The following FHL1 variants were observed in gnomAD, a reference collection of about 807,000 sequenced individuals.
FHL1 encodes four and a half LIM domains 1, also known as four and a half LIM domains protein 1.
In FHL1, 1 loss-of-function variant was observed where a neutral mutation model predicts 20.3. That is an observed-to-expected ratio of 0.05 (90% CI 0.02 to 0.23). The LOEUF is 0.23. Ranked by LOEUF, FHL1 falls within the 10% of genes least tolerant of loss-of-function variation. The pLI is 1.00. For synonymous variants in FHL1, 82 were observed against 88.9 expected (o/e 0.92, Z 0.44); for missense variants, 177 against 234.0 (o/e 0.76, Z 1.59).
chrX:136,202,668 A>C (rs192710739), intron 1 of FHL1, among the ~76,000 whole-genome samples: 1,260 of 111,271 alleles, frequency 0.011, 14 homozygotes, highest in Non-Finnish European at 0.017. Context: ...AGGCAGGAGA[A>C]TCACTTGAAC....
At chrX:136,176,957 T>G (rs2076117357) in intron 2 of FHL1, among the ~76,000 whole-genome samples, 1 of 106,236 alleles carries the variant, frequency 9.4e-6, no homozygotes, top group South Asian at 4.3e-4. Context: ...TCTTACACAG[T>G]CTTCAACCAG....
Position 136,210,526 on chromosome X carries a change from T to C in FHL1, c.*501T>C, listed in dbSNP as rs763551373. 1 of 391,042 alleles carries C rather than the reference T, an allele frequency of 2.6e-6. No individual in the cohort carries two copies. The highest frequency in any genetic ancestry group is 2.6e-5 in the South Asian group (1 of 39,009). 32.2% of individuals were successfully genotyped at this position (391,042 alleles called of 1,213,427 possible). A position where few individuals can be genotyped will look rare whatever the true frequency, so the allele number is the denominator to read the frequency against. Reference sequence around the variant, plus strand: ...TGGTTTAACTTCCTCATCAGAACTCTGCCCTTCCTTCTGTTCTTTTGTGCT... The same window carrying C: ...TGGTTTAACTTCCTCATCAGAACTCCGCCCTTCCTTCTGTTCTTTTGTGCT... On this transcript the variant is annotated 3_prime_UTR_variant, in exon 6 of 6. Transcript: ENST00000370683.
chrX:136,189,961 G>A (rs1159945044), intron 2 of FHL1, among the ~76,000 whole-genome samples: 1 of 112,060 alleles, frequency 8.9e-6, no homozygotes, highest in African/African-American at 3.2e-5. Context: ...TTCAAAAATA[G>A]TTATGGTCCA....
chrX:136,183,612 G>A (rs1014777107), intron 2 of FHL1, among the ~76,000 whole-genome samples: 3 of 111,879 alleles, frequency 2.7e-5, no homozygotes, highest in Admixed American at 1.9e-4. Flanking sequence ...AAAAGTTTTC[G>A]TGTATGAATA....
chrX:136,211,245 C>G lies in FHL1; in HGVS notation c.*1220C>G, dbSNP rs2074006604. Reference sequence around the variant, plus strand: ...TGTAATGACAATACATACTAACATTCTTGTAGGAGTGGTTAGAGAAGCTGA... The same window carrying G: ...TGTAATGACAATACATACTAACATTGTTGTAGGAGTGGTTAGAGAAGCTGA... On this transcript the variant is annotated 3_prime_UTR_variant, in exon 6 of 6. Coordinates refer to ENST00000370683, the MANE Select transcript of FHL1 (RefSeq NM_001159699.2). The G allele has an allele frequency of 2.9e-6, 1 of 346,037 alleles. No individual in the cohort carries two copies. Among genetic ancestry groups the G allele is most frequent in the East Asian group, 6.5e-5 (1 of 15,487 alleles). The allele number at this position is 346,037 out of a possible 1,213,427, so 28.5% of individuals were successfully genotyped here.
chrX:136,184,528 G>C (rs2073240148), intron 2 of FHL1, among the ~76,000 whole-genome samples: 1 of 111,836 alleles, frequency 8.9e-6, no homozygotes, highest in South Asian at 3.7e-4. Flanking sequence ...GGATTAAATA[G>C]CTAGACTTTA....
chrX:136,209,866 C>T lies in FHL1; in HGVS notation c.737-5C>T. The T allele has an allele frequency of 8.3e-7, 1 of 1,208,426 alleles. No individual in the cohort carries two copies. The highest frequency in any genetic ancestry group is 1.1e-6 in the Non-Finnish European group (1 of 894,275). ...TTCTTTTCTTTTCTTTTTTTTTCCC[C>T]CCAGGGTTTGGTAAAGGCTCCAGTG... On this transcript the variant is annotated splice_polypyrimidine_tract_variant and splice_region_variant and intron_variant, in intron 5 of 5. Coordinates refer to ENST00000370683, the MANE Select transcript of FHL1 (RefSeq NM_001159699.2).
At chrX:136,206,966 C>T (rs916274928) in intron 2 of FHL1, 50 bp from the exon 3 acceptor site, 7 of 1,188,808 alleles carry the variant, frequency 5.9e-6, no homozygotes, top group Non-Finnish European at 8.0e-6. Context: ...GCTCCTGCCA[C>T]CACCCCCAGC....
chrX:136,200,272 T>A (rs1261294089), intron 1 of FHL1, among the ~76,000 whole-genome samples: 1 of 112,558 alleles, frequency 8.9e-6, no homozygotes, highest in Non-Finnish European at 1.9e-5. Flanking sequence ...AATTATTTAA[T>A]AATGATGCTT....
chrX:136,186,865 AATATATAT>A (rs1167280811), intron 2 of FHL1, among the ~76,000 whole-genome samples: 8 of 10,159 alleles, frequency 7.9e-4, no homozygotes, highest in African/African-American at 8.7e-4. Flanking sequence ...AAAAAAAAAA[AATATATAT>A]ATATATATAG....
At chrX:136,154,482 AAG>A (rs1242186355) in intron 1 of FHL1, among the ~76,000 whole-genome samples, 1 of 112,343 alleles carries the variant, frequency 8.9e-6, no homozygotes, top group Non-Finnish European at 1.9e-5. Flanking sequence ...ATGACATTGA[AAG>A]AGTCTTTAGA....
intron 1 of FHL1, among the ~76,000 whole-genome samples, chrX:136,156,113 C>T (rs1323233807): frequency 9.0e-6 from 1 of 111,021 alleles, no homozygotes; most frequent in Non-Finnish European, 1.9e-5. Context: ...ATAAAAAAGG[C>T]ACAGATAGGA....
chrX:136,193,340 C>T (rs1368374134), upstream of FHL1, among the ~76,000 whole-genome samples: 1 of 111,933 alleles, frequency 8.9e-6, no homozygotes, highest in African/African-American at 3.3e-5. Context: ...TTTGATTCTT[C>T]GGTTGCACCA....
chrX:136,179,642 C>A (rs1207978093), intron 2 of FHL1, among the ~76,000 whole-genome samples: 26 of 111,985 alleles, frequency 2.3e-4, no homozygotes, highest in Non-Finnish European at 4.7e-4. Flanking sequence ...GCTAGAGATA[C>A]AATTAATTGA....
At chrX:136,162,344 T>G (rs1184164194) in intron 1 of FHL1, among the ~76,000 whole-genome samples, 1 of 110,684 alleles carries the variant, frequency 9.0e-6, no homozygotes, top group Non-Finnish European at 1.9e-5. Context: ...TCTCAGTTTA[T>G]AAAAAGGCAA....
In FHL1 at chrX:136,171,168, C is replaced by T. The variant is rs140702611; in HGVS notation, c.-27+1188C>T. On this transcript the variant is annotated intron_variant, in intron 2 of 6. Coordinates refer to the FHL1 transcript ENST00000394153. ...AGCTTTCAGCAGCTTCCCTCTGCTG[C>T]TGGAGATGGAATCTTCATTTCTGGG... 5.8e-3 allele frequency among the ~76,000 whole-genome samples: 649 copies of T among 111,561 alleles called. 3 individuals carry two copies. Among genetic ancestry groups the T allele is most frequent in the Middle Eastern group, 0.014 (3 of 216 alleles).
At chrX:136,146,985 G>T (rs62603116), upstream of FHL1, 73 of 321,453 alleles carry the variant, frequency 2.3e-4, no homozygotes, top group Non-Finnish European at 4.0e-4. Context: ...GGGCCCCGAA[G>T]CGGGGCCGCT....
chrX:136,182,000 G>T (rs1444166763), intron 2 of FHL1, among the ~76,000 whole-genome samples: 1 of 112,131 alleles, frequency 8.9e-6, no homozygotes, highest in Non-Finnish European at 1.9e-5. Context: ...GCTATAGAAT[G>T]CTGTTAAAGA....
chrX:136,147,339 G>GCGCGCGCA (rs1196759653), upstream of FHL1: 9 of 98,911 alleles, frequency 9.1e-5, no homozygotes, highest in African/African-American at 3.0e-4. Flanking sequence ...CGTCTCCCGC[G>GCGCGCGCA]CGCGCGCCCC....
Sources: allele counts gnomAD v4.1 joint callset (sites outside exome capture counted in the v4.1 genomes callset), GRCh38; gene constraint gnomAD v4.1.1; transcripts MANE v1.5; gene names NCBI Gene and HGNC (gene_info 2026-07-23, HGNC 2026-07-21).